Variants in CCSER1 observed in about 807,000 individuals in gnomAD.
CCSER1 encodes coiled-coil serine rich protein 1.
In CCSER1, 41 loss-of-function variants were observed where a neutral mutation model predicts 82.0. The ratio of observed to expected loss-of-function variants is 0.50; its 90% CI spans 0.39 to 0.65. The LOEUF (loss-of-function observed/expected upper bound fraction) is 0.65. CCSER1 is among the 30% of genes least tolerant of loss of function. CCSER1 has a pLI of 0.00. For missense variants in CCSER1, 1,119 were observed against 1,064.2 expected (o/e 1.05, Z -0.72); for synonymous variants, 414 against 383.9 (o/e 1.08, Z -0.92).
intron 10 of CCSER1, among the ~76,000 whole-genome samples, chr4:91,213,109 A>G: frequency 6.6e-6 from 1 of 152,198 alleles, no homozygotes; most frequent in South Asian, 2.1e-4. Flanking sequence ...CATGGCATAT[A>G]CGCACCACTT....
intron 10 of CCSER1, among the ~76,000 whole-genome samples, chr4:91,480,720 G>GT (rs1415909397): frequency 6.6e-6 from 1 of 152,182 alleles, no homozygotes; most frequent in Admixed American, 6.5e-5. Context: ...TCCAGGAGAT[G>GT]TTTTTTCCAT....
chr4:90,138,069 T>C (rs1724021087), intron 1 of CCSER1, among the ~76,000 whole-genome samples: 1 of 152,144 alleles, frequency 6.6e-6, no homozygotes, highest in African/African-American at 2.4e-5. Flanking sequence ...GAGGGCAGGG[T>C]TTTTATTTTA....
At chr4:91,105,218 G>A (rs181471501) in intron 10 of CCSER1, among the ~76,000 whole-genome samples, 64 of 151,478 alleles carry the variant, frequency 4.2e-4, no homozygotes, top group African/African-American at 1.5e-3. Flanking sequence ...GGAGGTCCTG[G>A]GGGATAGGGC....
chr4:90,553,157 G>C (rs529010335), intron 5 of CCSER1, among the ~76,000 whole-genome samples: 1 of 152,162 alleles, frequency 6.6e-6, no homozygotes, highest in African/African-American at 2.4e-5. Context: ...ATTTTTAGTA[G>C]AGACGGGGTT....
At chr4:91,066,512 T>TC (rs138744231) in intron 9 of CCSER1, among the ~76,000 whole-genome samples, 7 of 152,240 alleles carry the variant, frequency 4.6e-5, no homozygotes, top group African/African-American at 1.4e-4. Context: ...AATCAGATCA[T>TC]CCATATCACA....
chr4:91,070,386 A>G (rs959150243), intron 9 of CCSER1, among the ~76,000 whole-genome samples: 13 of 152,164 alleles, frequency 8.5e-5, no homozygotes, highest in Admixed American at 2.0e-4. Flanking sequence ...ATATTTCTAA[A>G]CATTGCAAGT....
At chr4:90,411,216 T>A (rs1414044039) in intron 4 of CCSER1, among the ~76,000 whole-genome samples, 1 of 152,138 alleles carries the variant, frequency 6.6e-6, no homozygotes, top group Non-Finnish European at 1.5e-5. Flanking sequence ...CTGGTACCAT[T>A]CCTTCTGAAA....
intron 6 of CCSER1, among the ~76,000 whole-genome samples, chr4:90,645,512 C>A (rs1008168327): frequency 6.6e-6 from 1 of 152,140 alleles, no homozygotes; most frequent in African/African-American, 2.4e-5. Context: ...TTACTGTTTA[C>A]AACTTAAAAC....
chr4:90,231,082 A>T (rs1297470463), intron 1 of CCSER1, among the ~76,000 whole-genome samples: 3 of 152,168 alleles, frequency 2.0e-5, no homozygotes, highest in Admixed American at 2.0e-4. Flanking sequence ...AAACTATTCC[A>T]ATCAACAGAA....
At chr4:91,271,095 A>G (rs1741992095) in intron 10 of CCSER1, among the ~76,000 whole-genome samples, 2 of 151,860 alleles carry the variant, frequency 1.3e-5, no homozygotes, top group African/African-American at 2.4e-5. Context: ...GTTTTAATTC[A>G]TTGTCTTAAG....
At chr4:90,408,405 C>G (rs1754099334) in intron 4 of CCSER1, among the ~76,000 whole-genome samples, 3 of 152,230 alleles carry the variant, frequency 2.0e-5, no homozygotes, top group African/African-American at 7.2e-5. Context: ...ACTGACACCT[C>G]ACACGGCCGG....
intron 1 of CCSER1, among the ~76,000 whole-genome samples, chr4:90,180,615 G>T (rs1382801825): frequency 6.6e-6 from 1 of 151,820 alleles, no homozygotes; most frequent in Admixed American, 6.6e-5. Context: ...TTTATCTCCT[G>T]TCTAAAACTC....
At chr4:91,185,474 G>T (rs145396471) in intron 10 of CCSER1, among the ~76,000 whole-genome samples, 9 of 152,212 alleles carry the variant, frequency 5.9e-5, no homozygotes, top group African/African-American at 2.2e-4. Context: ...TTTTGTGGGG[G>T]TTCCCCAGGC....
intron 6 of CCSER1, among the ~76,000 whole-genome samples, chr4:90,662,374 ACTT>A (rs1730982241): frequency 6.6e-6 from 1 of 152,032 alleles, no homozygotes; most frequent in Non-Finnish European, 1.5e-5. Flanking sequence ...AGGGTCTGCT[ACTT>A]ATACTATATT....
At chr4:90,174,117 G>A (rs1488716692) in intron 1 of CCSER1, among the ~76,000 whole-genome samples, 1 of 151,850 alleles carries the variant, frequency 6.6e-6, no homozygotes, top group African/African-American at 2.4e-5. Context: ...GCAAGAAGAG[G>A]TGGGTACAGA....
intron 1 of CCSER1, among the ~76,000 whole-genome samples, chr4:90,266,359 T>A (rs551888997): frequency 6.6e-6 from 1 of 152,290 alleles, no homozygotes; most frequent in South Asian, 2.1e-4. Flanking sequence ...ATGTAAATCA[T>A]TGTTACTCTC....
At chr4:90,561,448 T>C (rs959162798) in intron 5 of CCSER1, among the ~76,000 whole-genome samples, 11 of 152,348 alleles carry the variant, frequency 7.2e-5, no homozygotes, top group Admixed American at 6.5e-4. Flanking sequence ...AAATCTCATA[T>C]AGTCAAATAG....
chr4:91,018,313 C>T (rs374576247), intron 9 of CCSER1, among the ~76,000 whole-genome samples: 3 of 152,066 alleles, frequency 2.0e-5, no homozygotes, highest in South Asian at 2.1e-4. Flanking sequence ...CATTGCCCTC[C>T]GTCTTTTCTT....
intron 9 of CCSER1, among the ~76,000 whole-genome samples, chr4:91,076,533 T>G (rs1157243349): frequency 6.6e-6 from 1 of 152,180 alleles, no homozygotes; most frequent in Non-Finnish European, 1.5e-5. Context: ...TTGAGGCTCT[T>G]AAAATATTGG....
Sources: gnomAD v4.1 joint callset for allele counts (sites outside exome capture counted in the v4.1 genomes callset) on GRCh38, gnomAD v4.1.1 for gene constraint, MANE v1.5 for transcripts, NCBI Gene and HGNC (gene_info 2026-07-23, HGNC 2026-07-21) for gene names.